The following RSPO3 variants were observed in gnomAD, a reference collection of about 807,000 sequenced individuals.
RSPO3 encodes R-spondin-3.
In RSPO3, 17 loss-of-function variants were observed where a neutral mutation model predicts 36.5. That is an observed-to-expected ratio of 0.47 (90% CI 0.32 to 0.70). The LOEUF (loss-of-function observed/expected upper bound fraction) is 0.70, where lower values mean the gene tolerates loss of function less well. Among genes scored for constraint, RSPO3 ranks in the 30% least tolerant of loss-of-function variants. The pLI is 0.04. For missense variants in RSPO3, 294 were observed against 322.5 expected, an observed-to-expected ratio of 0.91 and a Z score of 0.68; for synonymous variants, 108 against 107.0, an observed-to-expected ratio of 1.01 and a Z score of -0.06.
intron 1 of RSPO3, among the ~76,000 whole-genome samples, chr6:127,123,538 A>C (rs1020137314): frequency 6.6e-6 from 1 of 152,158 alleles, no homozygotes; most frequent in Admixed American, 6.5e-5. Flanking sequence ...AATCATCATT[A>C]CATTATCAGG....
chr6:127,139,545 C>CTT (rs5879837), intron 1 of RSPO3, among the ~76,000 whole-genome samples: 38 of 149,166 alleles, frequency 2.5e-4, no homozygotes, highest in African/African-American at 4.3e-4. Flanking sequence ...AAAAATATAT[C>CTT]TTTTTTTTAA....
intron 3 of RSPO3, among the ~76,000 whole-genome samples, chr6:127,151,912 G>A (rs188772581): frequency 1.1e-4 from 16 of 152,132 alleles, no homozygotes; most frequent in African/African-American, 3.1e-4. Flanking sequence ...TAGAAAACAC[G>A]TCTGTGGAAT....
chr6:127,187,806 A>C (rs1456613192), intron 4 of RSPO3, among the ~76,000 whole-genome samples: 1 of 152,148 alleles, frequency 6.6e-6, no homozygotes, highest in African/African-American at 2.4e-5. Flanking sequence ...AGAATGCAAA[A>C]TCTAAAATAT....
At chr6:127,185,537 G>A (rs1775275841) in intron 4 of RSPO3, among the ~76,000 whole-genome samples, 1 of 152,038 alleles carries the variant, frequency 6.6e-6, no homozygotes, top group South Asian at 2.1e-4. Flanking sequence ...TACATATGTA[G>A]CTAATAAAGA....
At chr6:127,160,861 C>G (rs879478609) in intron 4 of RSPO3, among the ~76,000 whole-genome samples, 1 of 152,162 alleles carries the variant, frequency 6.6e-6, no homozygotes, top group Non-Finnish European at 1.5e-5. Context: ...TACCTCACTA[C>G]TCATCTTTAA....
intron 3 of RSPO3, among the ~76,000 whole-genome samples, chr6:127,151,343 T>C (rs1774486848): frequency 6.6e-6 from 1 of 151,996 alleles, no homozygotes; most frequent in Admixed American, 6.6e-5. Flanking sequence ...GTATTTTCAA[T>C]CTTTTAAACG....
chr6:127,125,913 G>T (rs1773930774), intron 1 of RSPO3, among the ~76,000 whole-genome samples: 1 of 152,066 alleles, frequency 6.6e-6, no homozygotes, highest in Admixed American at 6.6e-5. Flanking sequence ...AGGAAGAGAT[G>T]ATTTACAATA....
intron 4 of RSPO3, among the ~76,000 whole-genome samples, chr6:127,168,123 T>A (rs1000948728): frequency 9.2e-5 from 14 of 152,132 alleles, no homozygotes; most frequent in Non-Finnish European, 1.9e-4. Context: ...TACCCAGTAA[T>A]GGGATGGCTG....
chr6:127,128,288 G>A (rs925285555), intron 1 of RSPO3, among the ~76,000 whole-genome samples: 2 of 151,840 alleles, frequency 1.3e-5, no homozygotes, highest in South Asian at 4.2e-4. Context: ...TTGCTTTATG[G>A]GTCTTGGTAC....
At chr6:127,163,792 G>A (rs1471102036) in intron 4 of RSPO3, among the ~76,000 whole-genome samples, 1 of 151,962 alleles carries the variant, frequency 6.6e-6, no homozygotes, top group Non-Finnish European at 1.5e-5. Context: ...TCACTGTTCT[G>A]CCCTCTGTAT....
chr6:127,144,853 C>G (rs1774350923), intron 1 of RSPO3, among the ~76,000 whole-genome samples: 1 of 151,882 alleles, frequency 6.6e-6, no homozygotes, highest in Non-Finnish European at 1.5e-5. Flanking sequence ...AACTCCTGGC[C>G]TCATGTGATC....
At chr6:127,184,119 A>G (rs1235761282) in intron 4 of RSPO3, among the ~76,000 whole-genome samples, 3 of 151,824 alleles carry the variant, frequency 2.0e-5, no homozygotes, top group Non-Finnish European at 4.4e-5. Flanking sequence ...CCCACCACAC[A>G]TGGGGATTAT....
intron 4 of RSPO3, among the ~76,000 whole-genome samples, chr6:127,186,449 T>C (rs1233707323): frequency 6.6e-6 from 1 of 152,116 alleles, no homozygotes; most frequent in Non-Finnish European, 1.5e-5. Context: ...AGATGGATAA[T>C]ACAGCTGTGG....
intron 1 of RSPO3, among the ~76,000 whole-genome samples, chr6:127,128,484 G>A (rs868513415): frequency 2.0e-5 from 3 of 152,040 alleles, no homozygotes; most frequent in Non-Finnish European, 2.9e-5. Flanking sequence ...CTAATGTGCA[G>A]CCAAGACTGA....
At chr6:127,148,985 C>A (rs1279227743) in intron 2 of RSPO3, 146 bp downstream of exon 2, 4 of 660,162 alleles carry the variant, frequency 6.1e-6, no homozygotes, top group Non-Finnish European at 9.4e-6. Flanking sequence ...TTGGACTTAA[C>A]CCTCAGAACC....
chr6:127,134,540 C>G (rs1021008841), intron 1 of RSPO3, among the ~76,000 whole-genome samples: 7 of 152,138 alleles, frequency 4.6e-5, no homozygotes, highest in African/African-American at 1.4e-4. Flanking sequence ...CTTAAAGCAC[C>G]AGTTTGGCAA....
chr6:127,140,207 T>A (rs1344050364), intron 1 of RSPO3, among the ~76,000 whole-genome samples: 2 of 152,186 alleles, frequency 1.3e-5, no homozygotes, highest in Non-Finnish European at 2.9e-5. Flanking sequence ...TCAATATGCA[T>A]TGCTAATGGT....
Position 127,192,585 on chromosome 6 carries a change from T to C in RSPO3, c.635-3238T>C, listed in dbSNP as rs576359636. 131 of 828,020 alleles carry C rather than the reference T, an allele frequency of 1.6e-4. 1 individual carries two copies. In the South Asian group the frequency reaches 5.0e-3, roughly 31 times the overall value. 51.3% of individuals were successfully genotyped at this position (828,020 alleles called of 1,614,324 possible). On this transcript the variant is annotated intron_variant, in intron 4 of 4. Transcript: ENST00000356698. Reference sequence around the variant, plus strand: ...AGTGCTTCTCTGCAAGGGCTCAGATTGTACTTGACTGCTAATAGCAAATTC... The same window carrying C: ...AGTGCTTCTCTGCAAGGGCTCAGATCGTACTTGACTGCTAATAGCAAATTC...
rs139087942 is a variant in RSPO3 at position 127,155,876 on chromosome 6, G to GTGTA, written c.634+439_634+440insGTAT. Among the ~76,000 whole-genome samples, 78 of 148,506 alleles carry GTGTA rather than the reference G, an allele frequency of 5.3e-4. 3 individuals carry two copies. The highest frequency in any genetic ancestry group is 2.7e-4 in the Non-Finnish European group (18 of 67,172). ...TAGTGGTAAGCTTTTGTAGCTAAGT[G>GTGTA]TATATATATATATATACACACACAC... On this transcript the variant is annotated intron_variant, in intron 4 of 4. Transcript: ENST00000356698.
Sources: gnomAD v4.1 joint callset for allele counts (sites outside exome capture counted in the v4.1 genomes callset) on GRCh38, gnomAD v4.1.1 for gene constraint, MANE v1.5 for transcripts, NCBI Gene and HGNC (gene_info 2026-07-23, HGNC 2026-07-21) for gene names.